NPAS3: variants seen among roughly 807,000 people sequenced by gnomAD.
NPAS3 encodes the protein neuronal PAS domain protein 3.
NPAS3 carries 14 observed loss-of-function variants against 73.1 expected under a neutral mutation model. The ratio of observed to expected loss-of-function variants is 0.19; its 90% CI spans 0.13 to 0.30. The LOEUF is 0.30. Ranked by LOEUF, NPAS3 falls within the 10% of genes least tolerant of loss-of-function variation. The pLI is 1.00. For synonymous variants in NPAS3, 620 were observed against 541.5 expected (o/e 1.14, Z -2.01); for missense variants, 1,096 against 1,250.0 (o/e 0.88, Z 1.86).
At chr14:33,710,095 A>G (rs1281883455) in intron 6 of NPAS3, among the ~76,000 whole-genome samples, 3 of 152,220 alleles carry the variant, frequency 2.0e-5, no homozygotes, top group Non-Finnish European at 2.9e-5. Flanking sequence ...AGTGATTTTC[A>G]TATTACATTA....
chr14:32,960,700 T>C (rs2036874864), intron 1 of NPAS3, among the ~76,000 whole-genome samples: 1 of 152,238 alleles, frequency 6.6e-6, no homozygotes, highest in African/African-American at 2.4e-5. Flanking sequence ...AATCATTTCA[T>C]GGCCATGAAT....
intron 4 of NPAS3, among the ~76,000 whole-genome samples, chr14:33,490,980 C>T (rs1022972903): frequency 1.3e-5 from 2 of 152,214 alleles, no homozygotes; most frequent in Non-Finnish European, 2.9e-5. Context: ...GCAGCAGCAG[C>T]AGCAGCAACA....
intron 5 of NPAS3, among the ~76,000 whole-genome samples, chr14:33,595,425 C>A (rs991665228): frequency 1.3e-5 from 2 of 151,932 alleles, no homozygotes; most frequent in African/African-American, 4.8e-5. Context: ...GCTGTAATTT[C>A]TTCTTAAATT....
intron 3 of NPAS3, among the ~76,000 whole-genome samples, chr14:33,267,261 A>G (rs1017922184): frequency 4.6e-5 from 7 of 152,170 alleles, no homozygotes; most frequent in African/African-American, 1.4e-4. Context: ...AGCTCATTGT[A>G]CTTTCTATAT....
At chr14:33,652,714 C>T (rs1242976290) in intron 5 of NPAS3, among the ~76,000 whole-genome samples, 1 of 152,214 alleles carries the variant, frequency 6.6e-6, no homozygotes, top group Non-Finnish European at 1.5e-5. Flanking sequence ...TGTCAAACTG[C>T]TTCCTAAAAC....
At chr14:33,156,223 A>T (rs991439934) in intron 2 of NPAS3, among the ~76,000 whole-genome samples, 1 of 152,174 alleles carries the variant, frequency 6.6e-6, no homozygotes, top group Non-Finnish European at 1.5e-5. Flanking sequence ...AGGGATTGGC[A>T]TTTGTGCAAT....
At chr14:33,549,258 G>T (rs2054993832) in intron 4 of NPAS3, among the ~76,000 whole-genome samples, 1 of 152,068 alleles carries the variant, frequency 6.6e-6, no homozygotes, top group Admixed American at 6.5e-5. Flanking sequence ...TTGAGACGGG[G>T]TCTCACTCTA....
intron 2 of NPAS3, among the ~76,000 whole-genome samples, chr14:33,187,009 A>T (rs1453641643): frequency 6.6e-6 from 1 of 152,184 alleles, no homozygotes; most frequent in African/African-American, 2.4e-5. Flanking sequence ...CAAGGTTGAG[A>T]ACTCCTGCTC....
At chr14:33,382,067 G>T (rs559090400) in intron 4 of NPAS3, among the ~76,000 whole-genome samples, 4 of 152,194 alleles carry the variant, frequency 2.6e-5, no homozygotes, top group Admixed American at 6.5e-5. Context: ...TGTTTGGGAG[G>T]GGGGCAGTTA....
chr14:33,484,996 T>A (rs1400215074), intron 4 of NPAS3, among the ~76,000 whole-genome samples: 1 of 152,198 alleles, frequency 6.6e-6, no homozygotes, highest in African/African-American at 2.4e-5. Context: ...TCTTTTAATA[T>A]GTGGATGGAA....
At position 33,689,527 on chromosome 14, in the gene NPAS3, T is replaced by C. The variant is rs757623720; in HGVS notation, c.733+13142T>C. Among the ~76,000 whole-genome samples, 83 of 152,086 alleles carry C rather than the reference T, an allele frequency of 5.5e-4. 2 individuals carry two copies. Among genetic ancestry groups the C allele is most frequent in the Non-Finnish European group, 6.0e-4 (41 of 68,018 alleles). The stretch of plus-strand genomic sequence containing the variant: ...AATTTGGGCTTCACTGACACAGTGC[T>C]CCAGTTACCTCACTTAAAGGGTCCA... On this transcript the variant is annotated intron_variant, in intron 6 of 11. Transcript: ENST00000356141.
intron 2 of NPAS3, among the ~76,000 whole-genome samples, chr14:33,163,977 CAG>C (rs2139330380): frequency 6.6e-6 from 1 of 152,260 alleles, no homozygotes; most frequent in East Asian, 1.9e-4. Context: ...ATTATACTGT[CAG>C]AGGAGCATTG....
chr14:33,034,803 G>A (rs2040108613), intron 1 of NPAS3, among the ~76,000 whole-genome samples: 1 of 152,000 alleles, frequency 6.6e-6, no homozygotes, highest in Non-Finnish European at 1.5e-5. Flanking sequence ...AGAAAACTGG[G>A]GCAAGGAGAG....
intron 5 of NPAS3, among the ~76,000 whole-genome samples, chr14:33,571,778 C>T (rs7148153): frequency 0.12 from 18,825 of 152,166 alleles, 1,290 homozygotes; most frequent in East Asian, 0.24. Context: ...AAATTAGTTT[C>T]CCTTGTTGGC....
intron 9 of NPAS3, among the ~76,000 whole-genome samples, chr14:33,784,741 A>ATTTATTTATTTATTTATTTATT (rs1555333492): frequency 1.4e-5 from 1 of 72,768 alleles, no homozygotes; most frequent in East Asian, 4.3e-4. Flanking sequence ...TTATTTATTT[A>ATTTATTTATTTATTTATTTATT]TTTATTTTTT....
intron 2 of NPAS3, among the ~76,000 whole-genome samples, chr14:33,087,151 TACAA>T (rs1340447407): frequency 0.01 from 1,018 of 99,934 alleles, 9 homozygotes; most frequent in Non-Finnish European, 0.012. Context: ...TAATATAGTA[TACAA>T]TATAATATTG....
intron 6 of NPAS3, among the ~76,000 whole-genome samples, chr14:33,707,653 G>A (rs1004641704): frequency 3.9e-5 from 6 of 152,194 alleles, no homozygotes; most frequent in Non-Finnish European, 8.8e-5. Flanking sequence ...TCCTGCCCAA[G>A]TGGAGCTAAT....
intron 6 of NPAS3, among the ~76,000 whole-genome samples, chr14:33,697,748 C>T (rs2060423452): frequency 6.6e-6 from 1 of 152,182 alleles, no homozygotes; most frequent in South Asian, 2.1e-4. Flanking sequence ...TATGAATTTT[C>T]TTCCTTTTTT....
intron 7 of NPAS3, among the ~76,000 whole-genome samples, chr14:33,748,201 A>G (rs904279621): frequency 6.6e-6 from 1 of 152,212 alleles, no homozygotes. Context: ...TCCTTGAGTC[A>G]GTGTTCTAGT....
Sources: allele counts gnomAD v4.1 joint callset (sites outside exome capture counted in the v4.1 genomes callset), GRCh38; gene constraint gnomAD v4.1.1; transcripts MANE v1.5; gene names NCBI Gene and HGNC (gene_info 2026-07-23, HGNC 2026-07-21).